Variants in BRINP2 observed in about 807,000 individuals in gnomAD.
The protein encoded by BRINP2 is BMP/retinoic acid inducible neural specific 2, also known as BMP/retinoic acid-inducible neural-specific protein 2.
BRINP2 carries 21 observed loss-of-function variants against 69.2 expected under a neutral mutation model. The observed-to-expected ratio is 0.30, with a 90% CI of 0.22 to 0.44. The LOEUF (loss-of-function observed/expected upper bound fraction) is 0.44. Ranked by LOEUF, BRINP2 falls within the 20% of genes least tolerant of loss-of-function variation. The probability of loss-of-function intolerance (pLI) is 1.00; values close to 1 mark genes in which losing one functional copy is unlikely to be tolerated. For missense variants in BRINP2, 877 were observed against 986.0 expected (o/e 0.89, Z 1.48); for synonymous variants, 380 against 394.1 (o/e 0.96, Z 0.42).
At chr1:177,257,055 T>C in intron 3 of BRINP2, 121 bp from the exon 4 acceptor site, 2 of 1,558,728 alleles carry the variant, frequency 1.3e-6, no homozygotes. Flanking sequence ...GGGAAGAGCT[T>C]GGCAGCAGGG....
rs1651648502 is a variant in BRINP2, at chr1:177,280,350, A to C, written c.1236-62A>C. ...TAGTGGTCAATGTCTTGCTGCCCTT[A>C]AGAAGGGTGTCAGTGTGTGACTTCT... is the stretch of plus-strand genomic sequence containing the variant. On this transcript the variant is annotated intron_variant, in intron 7 of 7. Transcript: ENST00000361539. The C allele has an allele frequency of 2.0e-6, 3 of 1,471,642 alleles. No homozygotes were observed. In the African/African-American group the frequency reaches 4.2e-5, roughly 21 times the overall value. 91.2% of individuals were successfully genotyped at this position (1,471,642 alleles called of 1,614,324 possible).
intron 1 of BRINP2, among the ~76,000 whole-genome samples, chr1:177,191,762 C>T (rs936464960): frequency 6.6e-6 from 1 of 152,132 alleles, no homozygotes; most frequent in Non-Finnish European, 1.5e-5. Flanking sequence ...CTCTGGCAGT[C>T]CCTTTCTAAA....
Position 177,221,558 on chromosome 1 carries a change from G to A in BRINP2, c.-76-8243G>A, listed in dbSNP as rs149295923. 3.3e-3 allele frequency among the ~76,000 whole-genome samples: 510 copies of A among 152,254 alleles called. 5 individuals are homozygous for A. Among genetic ancestry groups the A allele is most frequent in the African/African-American group, 0.012 (487 of 41,532 alleles). On this transcript the variant is annotated intron_variant, in intron 1 of 7. Coordinates refer to ENST00000361539, the MANE Select transcript of BRINP2 (RefSeq NM_021165.4). ...TATCACTGGATCCCATCAGAATGTT[G>A]CATCAAAATCTCCTGGGAGGTTTTT...
chr1:177,185,614 T>C (rs1283193033), intron 1 of BRINP2, among the ~76,000 whole-genome samples: 1 of 152,246 alleles, frequency 6.6e-6, no homozygotes, highest in Non-Finnish European at 1.5e-5. Flanking sequence ...CACTAGTCTA[T>C]GTTTTTAATA....
intron 2 of BRINP2, among the ~76,000 whole-genome samples, chr1:177,253,723 G>A (rs1023112853): frequency 6.6e-6 from 1 of 152,130 alleles, no homozygotes; most frequent in African/African-American, 2.4e-5. Context: ...CATGGTGAAA[G>A]ATAGTTTTAT....
rs571924223 is a variant in BRINP2 at position 177,257,344 on chromosome 1, G to A, written c.629G>A (p.Arg210Gln). 6.8e-6 allele frequency: 11 copies of A among 1,613,802 alleles called. No homozygotes were observed. The African/African-American group carries it at 1.1e-4, about 16-fold the overall frequency. ...TTCATCGACAGAGAGAGCACGCTGC[G>A]ACGGCTGCACCATATCCAGATAGCC... is the stretch of plus-strand genomic sequence containing the variant. ...SYFIDRESTL[R>Q]RLHHIQIATG... The change falls in exon 4 of 8, where the codon CGA (arginine) becomes CAA (glutamine). Residue 210 changes from arginine to glutamine, a missense_variant. Arg to Gln is a conservative substitution (Grantham distance 43). This residue lies in a region of BRINP2 where 566 missense variants were observed against 625.2 expected (regional missense o/e 0.91). Transcript: ENST00000361539.
intron 1 of BRINP2, among the ~76,000 whole-genome samples, chr1:177,222,909 TTAA>T (rs1649581142): frequency 6.6e-6 from 1 of 152,092 alleles, no homozygotes; most frequent in Non-Finnish European, 1.5e-5. Context: ...CTGGGGTTTC[TTAA>T]TGATGGAGGA....
At chr1:177,191,474 A>G (rs1272581105) in intron 1 of BRINP2, among the ~76,000 whole-genome samples, 1 of 151,718 alleles carries the variant, frequency 6.6e-6, no homozygotes, top group South Asian at 2.1e-4. Flanking sequence ...TTTTGTTTTG[A>G]GATGGAGTCT....
chr1:177,187,661 G>C (rs1351659094), intron 1 of BRINP2, among the ~76,000 whole-genome samples: 12 of 152,160 alleles, frequency 7.9e-5, no homozygotes, highest in Non-Finnish European at 5.9e-5. Flanking sequence ...ACTCATGTAT[G>C]TCGGTATGTC....
chr1:177,250,387 C>T (rs1362376769), intron 2 of BRINP2, among the ~76,000 whole-genome samples: 3 of 152,122 alleles, frequency 2.0e-5, no homozygotes, highest in African/African-American at 7.2e-5. Flanking sequence ...AGTGCAGTGG[C>T]ACAATCTCGG....
chr1:177,223,215 CAG>C (rs1649593438), intron 1 of BRINP2, among the ~76,000 whole-genome samples: 1 of 152,140 alleles, frequency 6.6e-6, no homozygotes, highest in Admixed American at 6.5e-5. Flanking sequence ...CAGCAACTGA[CAG>C]ATGAATCTGC....
chr1:177,260,605 C>T (rs1650915494), intron 4 of BRINP2, among the ~76,000 whole-genome samples: 1 of 152,132 alleles, frequency 6.6e-6, no homozygotes, highest in Non-Finnish European at 1.5e-5. Flanking sequence ...ACAGCCACCC[C>T]AACCTTCAGC....
chr1:177,200,197 C>G (rs148333450), intron 1 of BRINP2, among the ~76,000 whole-genome samples: 2 of 140,176 alleles, frequency 1.4e-5, no homozygotes, highest in African/African-American at 5.4e-5. Context: ...GATGCTGAGG[C>G]AGGAGAATCG....
intron 1 of BRINP2, among the ~76,000 whole-genome samples, chr1:177,227,127 A>G (rs1030006818): frequency 1.3e-5 from 2 of 152,144 alleles, no homozygotes; most frequent in Non-Finnish European, 2.9e-5. Flanking sequence ...ACATCCCATC[A>G]TACTCACAGG....
intron 2 of BRINP2, among the ~76,000 whole-genome samples, chr1:177,247,928 G>A (rs1380597762): frequency 6.6e-6 from 1 of 152,206 alleles, no homozygotes; most frequent in Non-Finnish European, 1.5e-5. Context: ...CACCAGGATA[G>A]GTTGGTGCCA....
chr1:177,236,288 C>G (rs1314876991), intron 2 of BRINP2, among the ~76,000 whole-genome samples: 1 of 152,196 alleles, frequency 6.6e-6, no homozygotes, highest in Non-Finnish European at 1.5e-5. Flanking sequence ...CCCAGCATGT[C>G]CTTATCTTTG....
intron 1 of BRINP2, among the ~76,000 whole-genome samples, chr1:177,217,301 G>C (rs1571904377): frequency 6.6e-6 from 1 of 151,558 alleles, no homozygotes; most frequent in Non-Finnish European, 1.5e-5. Flanking sequence ...GCTTTCTATT[G>C]CATTTTTCAG....
intron 1 of BRINP2, among the ~76,000 whole-genome samples, chr1:177,175,638 T>G (rs888842116): frequency 1.3e-5 from 2 of 152,228 alleles, no homozygotes; most frequent in Non-Finnish European, 2.9e-5. Context: ...GAAAGTGGAA[T>G]GGCTTACCTA....
At chr1:177,178,564 T>C (rs1191525801) in intron 1 of BRINP2, among the ~76,000 whole-genome samples, 1 of 152,102 alleles carries the variant, frequency 6.6e-6, no homozygotes, top group Admixed American at 6.5e-5. Flanking sequence ...CTCTATGAAG[T>C]CTTCTCTGAA....
Sources: allele counts gnomAD v4.1 joint callset (sites outside exome capture counted in the v4.1 genomes callset), GRCh38; gene constraint gnomAD v4.1.1; regional missense constraint gnomAD v4.1.1; transcripts MANE v1.5; gene names NCBI Gene and HGNC (gene_info 2026-07-23, HGNC 2026-07-21).